The following RNF128 variants were observed in gnomAD, a reference collection of about 807,000 sequenced individuals.
RNF128 encodes ring finger protein 128.
In RNF128, 13 loss-of-function variants were observed where a neutral mutation model predicts 26.2. The ratio of observed to expected loss-of-function variants is 0.50; its 90% CI spans 0.32 to 0.79. The LOEUF (loss-of-function observed/expected upper bound fraction) is 0.79, where lower values mean the gene tolerates loss of function less well. Ranked by LOEUF, RNF128 falls within the 30% of genes least tolerant of loss-of-function variation. RNF128 has a pLI of 0.03. For missense variants in RNF128, 315 were observed against 349.7 expected, an observed-to-expected ratio of 0.90 and a Z score of 0.79; for synonymous variants, 149 against 142.5, an observed-to-expected ratio of 1.05 and a Z score of -0.32.
intron 1 of RNF128, among the ~76,000 whole-genome samples, chrX:106,716,498 T>G (rs1929218525): frequency 8.9e-6 from 1 of 111,942 alleles, no homozygotes; most frequent in Non-Finnish European, 1.9e-5. Flanking sequence ...AACCATTCTA[T>G]ATCTTGACTG....
intron 1 of RNF128, among the ~76,000 whole-genome samples, chrX:106,715,807 A>T (rs1929205997): frequency 9.0e-6 from 1 of 111,617 alleles, no homozygotes. Context: ...ACCTACCTGG[A>T]CAGAGAGCTG....
At chrX:106,770,262 T>C (rs776015279) in intron 1 of RNF128, among the ~76,000 whole-genome samples, 1 of 111,444 alleles carries the variant, frequency 9.0e-6, no homozygotes, top group Non-Finnish European at 1.9e-5. Flanking sequence ...TGTGGCATTC[T>C]CTGTACTTCC....
At position 106,728,087 on chromosome X, in the gene RNF128, A is replaced by G. The variant is rs190126524; in HGVS notation, c.484+690A>G. Among the ~76,000 whole-genome samples the G allele has an allele frequency of 2.6e-3, 283 of 110,150 alleles. 1 individual carries two copies. The highest frequency in any genetic ancestry group is 3.9e-3 in the Non-Finnish European group (205 of 52,627). ...AGGATAGCAAAGGCCTAGACTTTGG[A>G]AAAAAAAATAGTCCAGGTAGTTCTT... On this transcript the variant is annotated intron_variant, in intron 1 of 6. Coordinates refer to ENST00000255499, the MANE Select transcript of RNF128 (RefSeq NM_194463.2).
chrX:106,706,212 A>G (rs941547410), intron 1 of RNF128, among the ~76,000 whole-genome samples: 11 of 111,630 alleles, frequency 9.9e-5, no homozygotes, highest in Admixed American at 9.5e-5. Flanking sequence ...CAGTGTGGCT[A>G]GGAGGAAATC....
In RNF128 at chrX:106,766,162, G is replaced by T. The variant is rs192188239; in HGVS notation, c.485-6751G>T. Reference sequence around the variant, plus strand: ...CCAAGTCTATGCTATTGTGAATAGTGCCGAAATAAACATACGTGTGCATGT... The same window carrying T: ...CCAAGTCTATGCTATTGTGAATAGTTCCGAAATAAACATACGTGTGCATGT... On this transcript the variant is annotated intron_variant, in intron 1 of 6. Coordinates refer to ENST00000255499, the MANE Select transcript of RNF128 (RefSeq NM_194463.2). Among the ~76,000 whole-genome samples the T allele has an allele frequency of 3.6e-5, 4 of 111,993 alleles. No individual in the cohort carries two copies. In the East Asian group the frequency reaches 8.4e-4, roughly 23 times the overall value.
intron 6 of RNF128, among the ~76,000 whole-genome samples, chrX:106,791,593 AGTTC>A (rs1310877295): frequency 4.5e-5 from 5 of 111,162 alleles, no homozygotes; most frequent in African/African-American, 1.6e-4. Context: ...AAAATAAAGG[AGTTC>A]TGAAATGATA....
At chrX:106,720,451 C>A in intron 1 of RNF128, among the ~76,000 whole-genome samples, 1 of 111,214 alleles carries the variant, frequency 9.0e-6, no homozygotes, top group Non-Finnish European at 1.9e-5. Flanking sequence ...TGGGCTCAAG[C>A]AACTCTCCTG....
chrX:106,739,402 G>A (rs965923881), intron 1 of RNF128, among the ~76,000 whole-genome samples: 1 of 110,967 alleles, frequency 9.0e-6, no homozygotes, highest in Non-Finnish European at 1.9e-5. Context: ...CAAGTAATCC[G>A]CCCACCATGG....
chrX:106,694,323 A>C (rs1470493741), exon 1 of RNF128: 1 of 1,210,394 alleles, frequency 8.3e-7, no homozygotes, highest in Non-Finnish European at 1.1e-6. Context: ...AAAAAATTCA[A>C]ACAGCGGGCA....
intron 1 of RNF128, among the ~76,000 whole-genome samples, chrX:106,714,664 C>A (rs1202853948): frequency 3.6e-5 from 4 of 111,965 alleles, no homozygotes; most frequent in African/African-American, 1.3e-4. Context: ...TCCATTGCAA[C>A]AGAGCTCCTT....
At chrX:106,783,974 C>CA (rs888654802) in intron 2 of RNF128, among the ~76,000 whole-genome samples, 3 of 111,238 alleles carry the variant, frequency 2.7e-5, no homozygotes, top group African/African-American at 9.8e-5. Context: ...CACCACGCCC[C>CA]ACCTCCAACA....
chrX:106,712,641 C>T lies in RNF128; in HGVS notation c.406+18233C>T, dbSNP rs1208459087. 3.6e-5 allele frequency among the ~76,000 whole-genome samples: 4 copies of T among 110,955 alleles called. No individual in the cohort carries two copies. The Admixed American group carries it at 3.9e-4, about 11-fold the overall frequency. On this transcript the variant is annotated intron_variant, in intron 1 of 6. Transcript: ENST00000324342. ...AATGTTACTCAACTCAGCTATTTTTCCCATCATAGTATTTAAAATTTTGCT... is the reference window on the plus strand; with the variant it reads ...AATGTTACTCAACTCAGCTATTTTTTCCATCATAGTATTTAAAATTTTGCT...
At chrX:106,697,242 G>C (rs1325009522) in intron 1 of RNF128, among the ~76,000 whole-genome samples, 1 of 112,068 alleles carries the variant, frequency 8.9e-6, no homozygotes, top group African/African-American at 3.2e-5. Flanking sequence ...ATATTTGGTA[G>C]TTACCCTTAT....
chrX:106,775,850 A>C (rs1930455575), intron 2 of RNF128, among the ~76,000 whole-genome samples: 1 of 111,887 alleles, frequency 8.9e-6, no homozygotes, highest in African/African-American at 3.2e-5. Flanking sequence ...AATATATTCA[A>C]GAATTTCTTC....
chrX:106,727,545 C>G, intron 1 of RNF128, 148 bp downstream of exon 1: 2 of 743,812 alleles, frequency 2.7e-6, no homozygotes, highest in Non-Finnish European at 3.9e-6. Context: ...AGGGTCCTCC[C>G]CGAGATTCAC....
intron 1 of RNF128, among the ~76,000 whole-genome samples, chrX:106,716,480 G>A (rs1264484502): frequency 9.0e-6 from 1 of 111,557 alleles, no homozygotes; most frequent in Non-Finnish European, 1.9e-5. Flanking sequence ...GAGTTTTTGT[G>A]GTAATGAAAC....
chrX:106,703,229 T>C (rs1928989074), intron 1 of RNF128, among the ~76,000 whole-genome samples: 1 of 112,090 alleles, frequency 8.9e-6, no homozygotes, highest in Non-Finnish European at 1.9e-5. Context: ...TCATTTCTCA[T>C]GATAAATTGG....
chrX:106,724,446 C>A (rs1187896256), upstream of RNF128, among the ~76,000 whole-genome samples: 1 of 111,062 alleles, frequency 9.0e-6, no homozygotes, highest in African/African-American at 3.3e-5. Context: ...TTATATTACT[C>A]CTCGTTTTTG....
chrX:106,720,837 T>C (rs772169136), intron 1 of RNF128, among the ~76,000 whole-genome samples: 1 of 111,663 alleles, frequency 9.0e-6, no homozygotes, highest in Non-Finnish European at 1.9e-5. Flanking sequence ...GAAAATCAAA[T>C]GATAACATTA....
Sources: allele counts gnomAD v4.1 joint callset (sites outside exome capture counted in the v4.1 genomes callset), GRCh38; gene constraint gnomAD v4.1.1; transcripts MANE v1.5; gene names NCBI Gene and HGNC (gene_info 2026-07-23, HGNC 2026-07-21).